The following ITGA8 variants were observed in gnomAD, a reference collection of about 807,000 sequenced individuals.
The protein encoded by ITGA8 is integrin alpha-8.
In ITGA8, 91 loss-of-function variants were observed where a neutral mutation model predicts 142.3. The observed-to-expected ratio is 0.64, with a 90% CI of 0.54 to 0.76. The LOEUF is 0.76. Among genes scored for constraint, ITGA8 ranks in the 30% least tolerant of loss-of-function variants. The pLI, the probability that ITGA8 is intolerant of heterozygous loss-of-function variation, is 0.00. For synonymous variants in ITGA8, 505 were observed against 485.2 expected, an observed-to-expected ratio of 1.04 and a Z score of -0.54; for missense variants, 1,406 against 1,327.7, an observed-to-expected ratio of 1.06 and a Z score of -0.92.
intron 13 of ITGA8, among the ~76,000 whole-genome samples, chr10:15,626,496 G>A (rs927723282): frequency 6.6e-6 from 1 of 152,140 alleles, no homozygotes; most frequent in African/African-American, 2.4e-5. Flanking sequence ...TGGGATTACA[G>A]ACATGAGCCA....
chr10:15,627,124 T>A (rs1833598738), intron 13 of ITGA8, among the ~76,000 whole-genome samples: 1 of 152,152 alleles, frequency 6.6e-6, no homozygotes, highest in Admixed American at 6.5e-5. Context: ...TCCAGCTACT[T>A]AGAGTCTATC....
chr10:15,593,119 C>T lies in ITGA8; in HGVS notation c.2212-815G>A, dbSNP rs548359449. 2.4e-4 allele frequency among the ~76,000 whole-genome samples: 37 copies of T among 152,210 alleles called. No individual in the cohort carries two copies. The South Asian group carries it at 4.8e-3, about 20-fold the overall frequency. Reference sequence around the variant, plus strand: ...CCTCTACAGTACAGGAGTGCGGATGCGCTATAGGAAAACATTTCAGAATAA... The same window carrying T: ...CCTCTACAGTACAGGAGTGCGGATGTGCTATAGGAAAACATTTCAGAATAA... On this transcript the variant is annotated intron_variant, in intron 21 of 29. Coordinates refer to ENST00000378076, the MANE Select transcript of ITGA8 (RefSeq NM_003638.3).
At chr10:15,705,990 C>T (rs539597493) in intron 2 of ITGA8, among the ~76,000 whole-genome samples, 55 of 152,282 alleles carry the variant, frequency 3.6e-4, no homozygotes, top group African/African-American at 1.3e-3. Flanking sequence ...CTCTCCTCTT[C>T]TCTTCATCCA....
chr10:15,642,337 G>C (rs1833886218), intron 13 of ITGA8, among the ~76,000 whole-genome samples: 1 of 152,074 alleles, frequency 6.6e-6, no homozygotes, highest in African/African-American at 2.4e-5. Flanking sequence ...CTATGTGATG[G>C]ATACATCCTC....
At chr10:15,657,186 T>C (rs180889153) in intron 10 of ITGA8, among the ~76,000 whole-genome samples, 11 of 152,304 alleles carry the variant, frequency 7.2e-5, no homozygotes, top group African/African-American at 2.6e-4. Context: ...GAGGAAGTTA[T>C]AGAAAGACTA....
intron 8 of ITGA8, among the ~76,000 whole-genome samples, chr10:15,670,631 T>C (rs1834494333): frequency 6.6e-6 from 1 of 152,230 alleles, no homozygotes; most frequent in Admixed American, 6.5e-5. Flanking sequence ...ATACCATTCT[T>C]CCTTACTCTC....
At chr10:15,589,782 A>G (rs1437306895) in intron 22 of ITGA8, among the ~76,000 whole-genome samples, 1 of 62,698 alleles carries the variant, frequency 1.6e-5, no homozygotes, top group African/African-American at 7.8e-5. Context: ...TTTTTTTTTG[A>G]GATGGGGTCT....
intron 18 of ITGA8, 42 bp downstream of exon 18, chr10:15,606,243 G>C (rs200529473): frequency 6.4e-7 from 1 of 1,558,426 alleles, no homozygotes; most frequent in African/African-American, 1.4e-5. Flanking sequence ...ACCCCAGAGA[G>C]CTTGCTTGAG....
In ITGA8 at chr10:15,682,499, G is replaced by A. The variant is rs140061289; in HGVS notation, c.568+1505C>T. On this transcript the variant is annotated intron_variant, in intron 4 of 29. Transcript: ENST00000378076. ...CTGAAGAAGTGTCTGATTTACCTCA[G>A]TATTTTTAAACAGAAAGCAATAATC... Among the ~76,000 whole-genome samples, 618 of 152,152 alleles carry A rather than the reference G, an allele frequency of 4.1e-3. 2 individuals carry two copies. Among genetic ancestry groups the A allele is most frequent in the Non-Finnish European group, 7.1e-3 (480 of 68,004 alleles).
At chr10:15,553,302 G>GTTTTTTTTTTTTT (rs5783451) in intron 26 of ITGA8, among the ~76,000 whole-genome samples, 1 of 131,138 alleles carries the variant, frequency 7.6e-6, no homozygotes, top group Non-Finnish European at 1.7e-5. Flanking sequence ...AGTTGCCATA[G>GTTTTTTTTTTTTT]TTTTTTTTTT....
At chr10:15,527,932 T>TTTTTTTC (rs1400076035) in intron 28 of ITGA8, among the ~76,000 whole-genome samples, 1 of 141,710 alleles carries the variant, frequency 7.1e-6, no homozygotes, top group African/African-American at 2.6e-5. Flanking sequence ...TTTTTTTTTT[T>TTTTTTTC]TGAGACAGGT....
At chr10:15,649,577 G>A (rs980121713) in intron 11 of ITGA8, among the ~76,000 whole-genome samples, 8 of 144,758 alleles carry the variant, frequency 5.5e-5, no homozygotes, top group Non-Finnish European at 8.9e-5. Flanking sequence ...GCAGTGGGCC[G>A]AGATCGCACC....
Position 15,699,476 on chromosome 10 carries a change from A to G in ITGA8, c.344-11438T>C, listed in dbSNP as rs191378747. 2.0e-3 allele frequency among the ~76,000 whole-genome samples: 312 copies of G among 152,360 alleles called. 4 individuals are homozygous for G. The highest frequency in any genetic ancestry group is 0.02 in the East Asian group (106 of 5,184). On this transcript the variant is annotated intron_variant, in intron 2 of 29. Transcript: ENST00000378076. ...ATAGAAAAACAGATGATAGATAGATACATACATACATAGATCAGTCTAGCT... is the reference window on the plus strand; with the variant it reads ...ATAGAAAAACAGATGATAGATAGATGCATACATACATAGATCAGTCTAGCT...
intron 22 of ITGA8, among the ~76,000 whole-genome samples, chr10:15,591,007 C>T (rs562164366): frequency 6.6e-6 from 1 of 152,102 alleles, no homozygotes; most frequent in Non-Finnish European, 1.5e-5. Flanking sequence ...CTGCTACATT[C>T]TTACAGAGTT....
rs1834277364 is a variant in ITGA8, at chr10:15,575,679, G to A, written c.2373-85C>T. 3.8e-6 allele frequency: 4 copies of A among 1,066,470 alleles called. No individual in the cohort carries two copies. In the Admixed American group the frequency reaches 7.4e-5, roughly 20 times the overall value. 66.1% of individuals were successfully genotyped at this position (1,066,470 alleles called of 1,614,324 possible). On this transcript the variant is annotated intron_variant, in intron 23 of 29. Coordinates refer to ENST00000378076, the MANE Select transcript of ITGA8 (RefSeq NM_003638.3). ...AGTGGACAGTATACTAACAGAAGCA[G>A]AAGAAAGTGGTTTTCAATTTATTTG...
intron 3 of ITGA8, 90 bp downstream of exon 3, chr10:15,687,847 TA>T (rs1237856046): frequency 6.5e-5 from 51 of 787,226 alleles, no homozygotes; most frequent in Middle Eastern, 4.6e-4. Flanking sequence ...CATGTTCCTT[TA>T]GGAAAGAGCT....
chr10:15,528,094 T>C (rs1215973369), intron 28 of ITGA8, among the ~76,000 whole-genome samples: 1 of 151,378 alleles, frequency 6.6e-6, no homozygotes, highest in Non-Finnish European at 1.5e-5. Context: ...TTTATGCTTT[T>C]TGTTGTTGTT....
chr10:15,653,985 C>T (rs1445194538), intron 11 of ITGA8, among the ~76,000 whole-genome samples: 1 of 152,104 alleles, frequency 6.6e-6, no homozygotes, highest in South Asian at 2.1e-4. Context: ...CAGGCACCCA[C>T]CACCATGCCC....
At chr10:15,604,465 A>C (rs989477453) in intron 19 of ITGA8, 110 bp from the exon 20 acceptor site, 31 of 753,260 alleles carry the variant, frequency 4.1e-5, no homozygotes, top group Non-Finnish European at 6.4e-5. Context: ...GTGCAAAAAA[A>C]GAAGATGGAC....
Sources: allele counts gnomAD v4.1 joint callset (sites outside exome capture counted in the v4.1 genomes callset), GRCh38; gene constraint gnomAD v4.1.1; transcripts MANE v1.5; gene names NCBI Gene and HGNC (gene_info 2026-07-23, HGNC 2026-07-21).